The following SCN7A variants were observed in gnomAD, a reference collection of about 807,000 sequenced individuals.
SCN7A encodes the protein sodium voltage-gated channel alpha subunit 7, also known as sodium channel protein type 7 subunit alpha.
In SCN7A, 138 loss-of-function variants were observed where a neutral mutation model predicts 155.2. The ratio of observed to expected loss-of-function variants is 0.89; its 90% CI spans 0.77 to 1.02. The LOEUF is 1.02. Among genes scored for constraint, SCN7A ranks in the 50% least tolerant of loss-of-function variants. The pLI, the probability that SCN7A is intolerant of heterozygous loss-of-function variation, is 0.00. For missense variants in SCN7A, 2,058 were observed against 1,986.6 expected, an observed-to-expected ratio of 1.04 and a Z score of -0.68; for synonymous variants, 693 against 649.0, an observed-to-expected ratio of 1.07 and a Z score of -1.03.
At chr2:166,457,196 T>C (rs1702303826) in intron 10 of SCN7A, 120 bp from the exon 11 acceptor site, 1 of 713,302 alleles carries the variant, frequency 1.4e-6, no homozygotes, top group African/African-American at 1.8e-5. Context: ...AAATGGAATG[T>C]AATCATAAGA....
At chr2:166,448,283 A>C (rs1296381565) in intron 11 of SCN7A, among the ~76,000 whole-genome samples, 1 of 152,148 alleles carries the variant, frequency 6.6e-6, no homozygotes, top group African/African-American at 2.4e-5. Flanking sequence ...GCAAATGACA[A>C]GACTTTATTC....
intron 15 of SCN7A, chr2:166,440,670 TTAAC>T (rs1701940266): frequency 6.6e-6 from 1 of 152,038 alleles, no homozygotes; most frequent in South Asian, 2.1e-4. Flanking sequence ...ACATTTATAT[TTAAC>T]TAAATATATA....
intron 12 of SCN7A, among the ~76,000 whole-genome samples, chr2:166,445,396 G>T (rs1346477526): frequency 6.6e-6 from 1 of 151,562 alleles, no homozygotes; most frequent in Non-Finnish European, 1.5e-5. Flanking sequence ...GAGGGAGGAA[G>T]GTTAAACATT....
intron 2 of SCN7A, 81 bp from the exon 3 acceptor site, chr2:166,477,791 C>A: frequency 1.2e-6 from 1 of 806,616 alleles, no homozygotes; most frequent in Non-Finnish European, 1.9e-6. Context: ...AAATAGAGAC[C>A]AGTAAACTGA....
At position 166,470,630 on chromosome 2, in the gene SCN7A, T is replaced by C. The variant is rs1170200393; in HGVS notation, c.649A>G (p.Ile217Val). ...TARTLRILKI[I>V]PLNQGLKSLV... ...AATTTCTTACCTTGATTTAAAGGAA[T>C]AATTTTTAAAATTCTCAAAGTTCTT... Residue 217 changes from isoleucine to valine, a missense_variant, in exon 7 of 26, where the codon ATT becomes GTT. Coordinates refer to ENST00000643258, the MANE Select transcript of SCN7A (RefSeq NM_002976.4). 21 of 1,606,172 alleles carry C rather than the reference T, an allele frequency of 1.3e-5. No individual in the cohort carries two copies. The highest frequency in any genetic ancestry group is 1.7e-5 in the Non-Finnish European group (20 of 1,175,456).
At chr2:166,481,474 T>A (rs779058142) in intron 2 of SCN7A, among the ~76,000 whole-genome samples, 34 of 152,158 alleles carry the variant, frequency 2.2e-4, no homozygotes, top group South Asian at 4.1e-4. Flanking sequence ...AAAATACCCA[T>A]CGGCACAAGT....
chr2:166,406,471 G>A lies in SCN7A; in HGVS notation c.4158C>T (p.Leu1386=), dbSNP rs1701077474. The A allele has an allele frequency of 1.2e-6, 2 of 1,612,852 alleles. No individual in the cohort carries two copies. The highest frequency in any genetic ancestry group is 1.7e-6 in the Non-Finnish European group (2 of 1,179,300). The change falls in exon 26 of 26, where the codon CTC becomes CTT. Residue 1386 remains leucine (L), a synonymous_variant. Transcript: ENST00000643258. The stretch of plus-strand genomic sequence containing the variant: ...CATAGATGAACATGACCAGGAAGAT[G>A]AGAAGAATGATGTTCAATAATGCTG... ...SLPALLNIIL[L]IFLVMFIYAV...
At chr2:166,430,129 C>T (rs1701703393) in intron 16 of SCN7A, among the ~76,000 whole-genome samples, 1 of 151,746 alleles carries the variant, frequency 6.6e-6, no homozygotes, top group African/African-American at 2.4e-5. Flanking sequence ...TGGAATGAAA[C>T]CAATCTTATT....
chr2:166,477,580 C>T lies in SCN7A; in HGVS notation c.117G>A (p.Lys39=), dbSNP rs772193542. Residue 39 remains lysine (K), a synonymous_variant, in exon 3 of 26, where the codon AAG becomes AAA. Transcript: ENST00000643258. ...HNEDHEEEDL[K]PTPDLEVGKK... ...TGCCAACTTCCAAATCAGGAGTTGGCTTTAAGTCTTCTTCTTCATGGTCTT... is the reference window on the plus strand; with the variant it reads ...TGCCAACTTCCAAATCAGGAGTTGGTTTTAAGTCTTCTTCTTCATGGTCTT... 3 of 1,587,204 alleles carry T rather than the reference C, an allele frequency of 1.9e-6. No homozygotes were observed. Among genetic ancestry groups the T allele is most frequent in the Non-Finnish European group, 8.6e-7 (1 of 1,164,770 alleles).
intron 3 of SCN7A, 129 bp downstream of exon 3, chr2:166,477,334 T>G: frequency 1.4e-6 from 1 of 707,722 alleles, no homozygotes; most frequent in Non-Finnish European, 2.3e-6. Context: ...TATGTCGTTC[T>G]GTAAAATTTA....
chr2:166,465,391 A>T (rs955177558), intron 9 of SCN7A, 71 bp downstream of exon 9: 2 of 1,040,916 alleles, frequency 1.9e-6, no homozygotes, highest in East Asian at 2.5e-5. Flanking sequence ...CAACAGTAAA[A>T]GCAATAGTCC....
chr2:166,456,838 A>C, intron 11 of SCN7A, 32 bp downstream of exon 11: 1 of 989,616 alleles, frequency 1.0e-6, no homozygotes, highest in Non-Finnish European at 1.5e-6. Context: ...ATAGATAGAT[A>C]GATAGATAGA....
chr2:166,435,300 T>C (rs1701814558), intron 15 of SCN7A, among the ~76,000 whole-genome samples: 1 of 152,092 alleles, frequency 6.6e-6, no homozygotes. Context: ...ACTTCTAATT[T>C]GAGCATTAAC....
intron 12 of SCN7A, among the ~76,000 whole-genome samples, chr2:166,445,327 A>C (rs931666324): frequency 5.3e-5 from 8 of 151,090 alleles, no homozygotes; most frequent in Admixed American, 2.0e-4. Context: ...AGAAAGAAGG[A>C]AAAAAGGAAG....
At chr2:166,436,119 A>T (rs902514367) in intron 15 of SCN7A, among the ~76,000 whole-genome samples, 1 of 152,182 alleles carries the variant, frequency 6.6e-6, no homozygotes, top group Non-Finnish European at 1.5e-5. Context: ...AGGTTCAAAG[A>T]GGCTGCGTAA....
At chr2:166,470,048 GGTGTTGGT>G (rs1479101306) in intron 7 of SCN7A, among the ~76,000 whole-genome samples, 2 of 151,836 alleles carry the variant, frequency 1.3e-5, no homozygotes, top group Admixed American at 1.3e-4. Context: ...CAAACTAGAA[GGTGTTGGT>G]GTGTTTCTGT....
rs1575003763 is a variant in SCN7A at position 166,414,240 on chromosome 2, A to G, written c.3415-1119T>C. Among the ~76,000 whole-genome samples the G allele has an allele frequency of 4.6e-5, 4 of 87,058 alleles. 1 individual carries two copies. Among genetic ancestry groups the G allele is most frequent in the East Asian group, 5.3e-4 (2 of 3,774 alleles). The allele number at this position is 87,058 out of a possible 152,430, so 57.1% of individuals were successfully genotyped here. A position where few individuals can be genotyped will look rare whatever the true frequency, so the allele number is the denominator to read the frequency against. Reference sequence around the variant, plus strand: ...TATATATAAATATATATATCTATATATGTAAATATATATAGATATATATAC... The same window carrying G: ...TATATATAAATATATATATCTATATGTGTAAATATATATAGATATATATAC... On this transcript the variant is annotated intron_variant, in intron 21 of 25. Coordinates refer to ENST00000643258, the MANE Select transcript of SCN7A (RefSeq NM_002976.4).
intron 2 of SCN7A, among the ~76,000 whole-genome samples, chr2:166,480,524 G>C (rs1575066195): frequency 6.7e-6 from 1 of 149,634 alleles, no homozygotes; most frequent in Non-Finnish European, 1.5e-5. Context: ...TTTACACAGA[G>C]ATCCTTGAAT....
intron 11 of SCN7A, among the ~76,000 whole-genome samples, chr2:166,450,489 A>T (rs74341820): frequency 0.037 from 5,541 of 151,568 alleles, 112 homozygotes; most frequent in Non-Finnish European, 0.041. Flanking sequence ...AAAGAAATTT[A>T]AAAAAAAAGT....
Sources: gnomAD v4.1 joint callset for allele counts (sites outside exome capture counted in the v4.1 genomes callset) on GRCh38, gnomAD v4.1.1 for gene constraint, MANE v1.5 for transcripts, NCBI Gene and HGNC (gene_info 2026-07-23, HGNC 2026-07-21) for gene names.